The following SLC5A11 variants were observed in gnomAD, a reference collection of about 807,000 sequenced individuals.
SLC5A11 encodes the protein solute carrier family 5 member 11.
SLC5A11 carries 48 observed loss-of-function variants against 69.8 expected under a neutral mutation model. The observed-to-expected ratio is 0.69, with a 90% CI of 0.55 to 0.87. The LOEUF (loss-of-function observed/expected upper bound fraction) is 0.87. SLC5A11 is among the 40% of genes least tolerant of loss of function. The pLI, the probability that SLC5A11 is intolerant of heterozygous loss-of-function variation, is 0.00. For synonymous variants in SLC5A11, 319 were observed against 342.4 expected (o/e 0.93, Z 0.75); for missense variants, 784 against 866.1 (o/e 0.91, Z 1.19).
At chr16:24,854,387 A>G (rs1897057149) in intron 1 of SLC5A11, among the ~76,000 whole-genome samples, 1 of 152,026 alleles carries the variant, frequency 6.6e-6, no homozygotes, top group Non-Finnish European at 1.5e-5. Flanking sequence ...GACTTTGGAC[A>G]CGACTTAAAC....
chr16:24,896,198 A>T (rs904652176), intron 9 of SLC5A11, among the ~76,000 whole-genome samples: 1 of 152,068 alleles, frequency 6.6e-6, no homozygotes, highest in African/African-American at 2.4e-5. Flanking sequence ...TACAAAAAAT[A>T]AAATTAAACA....
intron 7 of SLC5A11, among the ~76,000 whole-genome samples, chr16:24,882,399 C>T (rs1416834413): frequency 1.3e-5 from 2 of 152,160 alleles, no homozygotes; most frequent in Non-Finnish European, 2.9e-5. Flanking sequence ...GCCAGTTCTC[C>T]TCCCCTTTGT....
At chr16:24,868,874 C>CTTTT (rs112705793) in intron 3 of SLC5A11, among the ~76,000 whole-genome samples, 1 of 136,922 alleles carries the variant, frequency 7.3e-6, no homozygotes, top group Admixed American at 7.4e-5. Flanking sequence ...CTGGATCTGC[C>CTTTT]TTTTTTTTTT....
At chr16:24,877,522 C>T (rs1003643292) in intron 7 of SLC5A11, among the ~76,000 whole-genome samples, 159 bp downstream of exon 8, 1 of 152,152 alleles carries the variant, frequency 6.6e-6, no homozygotes, top group East Asian at 1.9e-4. Context: ...TTTCTCCTGA[C>T]CATTATCCAA....
At chr16:24,894,868 CCCGCA>C (rs1277272317) in intron 9 of SLC5A11, among the ~76,000 whole-genome samples, 1 of 152,116 alleles carries the variant, frequency 6.6e-6, no homozygotes, top group African/African-American at 2.4e-5. Context: ...ACCTGTAATC[CCCGCA>C]CTTTGGGAGG....
chr16:24,858,498 C>G, intron 1 of SLC5A11, 122 bp from the exon 3 acceptor site: 1 of 732,188 alleles, frequency 1.4e-6, no homozygotes, highest in East Asian at 2.9e-5. Context: ...GAAGATCTGT[C>G]TTCCACCACA....
intron 3 of SLC5A11, among the ~76,000 whole-genome samples, chr16:24,865,737 G>A (rs1299114720): frequency 6.6e-6 from 1 of 151,752 alleles, no homozygotes; most frequent in Non-Finnish European, 1.5e-5. Context: ...AAATTCACTG[G>A]TAGAAGACCT....
At chr16:24,870,064 A>C in intron 4 of SLC5A11, 59 bp downstream of exon 5, 17 of 1,252,532 alleles carry the variant, frequency 1.4e-5, no homozygotes, top group East Asian at 2.3e-5. Flanking sequence ...GGTAGATCTC[A>C]GGGGAAAGTT....
exon 13 of SLC5A11, chr16:24,908,064 C>G (rs1172620106): frequency 3.7e-6 from 6 of 1,611,486 alleles, no homozygotes; most frequent in Non-Finnish European, 5.1e-6. Context: ...TCCATCAGCT[C>G]CTACCTGCAG....
At chr16:24,875,553 G>A (rs943147312) in intron 5 of SLC5A11, 74 bp from the exon 7 acceptor site, 4 of 1,196,544 alleles carry the variant, frequency 3.3e-6, no homozygotes, top group Non-Finnish European at 4.8e-6. Context: ...GAGCAGATGG[G>A]AAGGGCTTGT....
intron 10 of SLC5A11, among the ~76,000 whole-genome samples, chr16:24,898,706 GAC>G (rs2049366866): frequency 6.6e-6 from 1 of 152,048 alleles, no homozygotes; most frequent in African/African-American, 2.4e-5. Context: ...TTTTAGTAGA[GAC>G]AGGGTTTCAC....
chr16:24,897,831 C>T (rs1241492577), intron 9 of SLC5A11, 143 bp from the exon 11 acceptor site: 46 of 1,005,954 alleles, frequency 4.6e-5, no homozygotes, highest in Non-Finnish European at 6.4e-5. Context: ...AGGAAACTGC[C>T]CCCATGATTC....
intron 8 of SLC5A11, among the ~76,000 whole-genome samples, chr16:24,884,986 C>T (rs1223110335): frequency 1.3e-5 from 2 of 152,154 alleles, no homozygotes; most frequent in African/African-American, 2.4e-5. Context: ...CAAGCAATCA[C>T]CTGCCTCGGC....
intron 7 of SLC5A11, among the ~76,000 whole-genome samples, chr16:24,880,627 C>T (rs1240436618): frequency 6.6e-6 from 1 of 152,126 alleles, no homozygotes; most frequent in Non-Finnish European, 1.5e-5. Context: ...AGCCACCGTG[C>T]CTGGCCTAGT....
At chr16:24,861,090 T>C (rs1170982832) in intron 2 of SLC5A11, among the ~76,000 whole-genome samples, 3 of 152,226 alleles carry the variant, frequency 2.0e-5, no homozygotes, top group Non-Finnish European at 4.4e-5. Context: ...TTTCTTTATG[T>C]GAACTATGGC....
chr16:24,908,069 C>G (rs749228555), exon 13 of SLC5A11: 2 of 1,610,910 alleles, frequency 1.2e-6, no homozygotes, highest in South Asian at 2.2e-5. Context: ...CAGCTCCTAC[C>G]TGCAGCCGCC....
intron 4 of SLC5A11, among the ~76,000 whole-genome samples, chr16:24,871,749 T>C (rs184432814): frequency 6.6e-6 from 1 of 152,246 alleles, no homozygotes. Flanking sequence ...AACCACTTAG[T>C]GAGGCACTGA....
intron 13 of SLC5A11, 57 bp from the exon 15 acceptor site, chr16:24,908,824 G>T: frequency 6.4e-7 from 1 of 1,558,834 alleles, no homozygotes; most frequent in Non-Finnish European, 8.7e-7. Context: ...GCTTCTTGAG[G>T]TTCCTGGAGG....
intron 4 of SLC5A11, among the ~76,000 whole-genome samples, chr16:24,870,655 C>T (rs1427619019): frequency 6.6e-6 from 1 of 151,732 alleles, no homozygotes; most frequent in African/African-American, 2.4e-5. Flanking sequence ...TGGTGCATGC[C>T]TGTAATCCTA....
Sources: gnomAD v4.1 joint callset for allele counts (sites outside exome capture counted in the v4.1 genomes callset) on GRCh38, gnomAD v4.1.1 for gene constraint, MANE v1.5 for transcripts, NCBI Gene and HGNC (gene_info 2026-07-23, HGNC 2026-07-21) for gene names.